MAPK4: variants seen among roughly 807,000 people sequenced by gnomAD.
MAPK4 encodes the protein Erk3-related.
A neutral mutation model predicts 47.7 loss-of-function variants in MAPK4; 22 were observed. The observed-to-expected ratio is 0.46, with a 90% confidence interval of 0.33 to 0.66. The LOEUF is 0.66. Ranked by LOEUF, MAPK4 falls within the 30% of genes least tolerant of loss-of-function variation. The pLI is 0.02. For synonymous variants in MAPK4, 390 were observed against 365.7 expected (o/e 1.07, Z -0.76); for missense variants, 736 against 831.7 (o/e 0.88, Z 1.42).
intron 1 of MAPK4, among the ~76,000 whole-genome samples, chr18:50,616,988 G>T (rs2042690417): frequency 6.6e-6 from 1 of 152,188 alleles, no homozygotes; most frequent in South Asian, 2.1e-4. Flanking sequence ...CACATGTCCT[G>T]GCATAAAGGA....
At chr18:50,608,116 G>A (rs970537143) in intron 1 of MAPK4, among the ~76,000 whole-genome samples, 10 of 151,960 alleles carry the variant, frequency 6.6e-5, no homozygotes, top group African/African-American at 1.2e-4. Context: ...TACCTTGCCC[G>A]TTGGAAACCA....
At chr18:50,662,873 C>T (rs1189339613) in intron 1 of MAPK4, among the ~76,000 whole-genome samples, 1 of 152,232 alleles carries the variant, frequency 6.6e-6, no homozygotes, top group Non-Finnish European at 1.5e-5. Context: ...ATCTGATGGT[C>T]TTATCAAATC....
chr18:50,589,278 T>C (rs1452363333), intron 1 of MAPK4, among the ~76,000 whole-genome samples: 6 of 152,076 alleles, frequency 3.9e-5, no homozygotes, highest in Non-Finnish European at 5.9e-5. Flanking sequence ...AGAAAAAACT[T>C]GGAGAAATGA....
At chr18:50,610,806 T>C (rs1379309841) in intron 1 of MAPK4, among the ~76,000 whole-genome samples, 1 of 152,184 alleles carries the variant, frequency 6.6e-6, no homozygotes, top group Non-Finnish European at 1.5e-5. Context: ...CAAAAAGATA[T>C]AACTGATCAA....
intron 1 of MAPK4, among the ~76,000 whole-genome samples, chr18:50,604,693 G>C (rs1216287679): frequency 1.3e-5 from 2 of 152,226 alleles, no homozygotes; most frequent in Admixed American, 1.3e-4. Context: ...GTTAGGTTTT[G>C]CTGAGTTTGG....
At chr18:50,687,912 A>T (rs1184065041) in intron 2 of MAPK4, among the ~76,000 whole-genome samples, 2 of 152,146 alleles carry the variant, frequency 1.3e-5, no homozygotes, top group Non-Finnish European at 2.9e-5. Context: ...TCCTAGGAAA[A>T]AAAAGAGAAA....
chr18:50,573,500 G>T (rs1387861433), intron 1 of MAPK4, among the ~76,000 whole-genome samples: 2 of 152,154 alleles, frequency 1.3e-5, no homozygotes, highest in Admixed American at 6.5e-5. Flanking sequence ...TAAGTTACAT[G>T]CTCCTTATGA....
chr18:50,585,231 G>T (rs986817137), intron 1 of MAPK4, among the ~76,000 whole-genome samples: 23 of 152,174 alleles, frequency 1.5e-4, no homozygotes, highest in Admixed American at 1.5e-3. Context: ...TAAAAAGCTA[G>T]CCCTGTGGTT....
In MAPK4 at chr18:50,584,538, G is replaced by C. The variant is rs115021527; in HGVS notation, c.-871+24295G>C. The stretch of plus-strand genomic sequence containing the variant: ...AGAGAGTATTTGAACTCTGCATGAT[G>C]TATGAATTGTGTATTGTTCCCTAGC... On this transcript the variant is annotated intron_variant, in intron 1 of 5. Coordinates refer to ENST00000400384, the MANE Select transcript of MAPK4 (RefSeq NM_002747.4). Among the ~76,000 whole-genome samples, 1,385 of 152,338 alleles carry C rather than the reference G, an allele frequency of 9.1e-3. 19 individuals carry two copies. Among genetic ancestry groups the C allele is most frequent in the African/African-American group, 0.031 (1,287 of 41,568 alleles).
intron 2 of MAPK4, among the ~76,000 whole-genome samples, chr18:50,713,290 C>G (rs955869121): frequency 1.3e-5 from 2 of 152,176 alleles, no homozygotes; most frequent in Non-Finnish European, 2.9e-5. Context: ...CAATTAAACT[C>G]TTATAAAAAT....
intron 1 of MAPK4, among the ~76,000 whole-genome samples, chr18:50,651,400 A>G (rs1248785246): frequency 1.3e-5 from 2 of 152,148 alleles, no homozygotes; most frequent in South Asian, 2.1e-4. Flanking sequence ...CATCAAGACT[A>G]AGAGGGTTGT....
At chr18:50,652,938 T>C (rs1385457790) in intron 1 of MAPK4, among the ~76,000 whole-genome samples, 1 of 152,062 alleles carries the variant, frequency 6.6e-6, no homozygotes, top group African/African-American at 2.4e-5. Context: ...TCCCAGTACC[T>C]TGGGAGGTTG....
rs1201364536 is a variant in MAPK4 at position 50,664,174 on chromosome 18, G to A, written c.216G>A (p.Leu72=). 1 of 1,614,144 alleles carries A rather than the reference G, an allele frequency of 6.2e-7. No homozygotes were observed. The highest frequency in any genetic ancestry group is 8.5e-7 in the Non-Finnish European group (1 of 1,180,036). Residue 72 remains leucine, a synonymous_variant, in exon 2 of 6, where the codon CTG becomes CTA. Transcript: ENST00000400384. The surrounding 1 kb of genome is among the most constrained non-coding windows in gnomAD (Gnocchi z 6.0). ...ALREIKIIRR[L]DHDNIVKVYE... The stretch of plus-strand genomic sequence containing the variant: ...GAGAGATCAAGATCATTCGGCGCCT[G>A]GACCACGACAACATCGTCAAAGTGT...
intron 3 of MAPK4, among the ~76,000 whole-genome samples, chr18:50,717,107 CT>C (rs1461423104): frequency 6.6e-6 from 1 of 152,188 alleles, no homozygotes; most frequent in Non-Finnish European, 1.5e-5. Flanking sequence ...ATGTGACTCA[CT>C]TATCTACTAT....
rs184498499 is a variant in MAPK4, at chr18:50,719,062, C to T, written c.692-2876C>T. On this transcript the variant is annotated intron_variant, in intron 3 of 5. Transcript: ENST00000400384. The stretch of plus-strand genomic sequence containing the variant: ...TCGTGCCACTGCACTCCAGCCTGGG[C>T]GACAGAGCAAGACTCCACCTCAAAA... 2.0e-3 allele frequency among the ~76,000 whole-genome samples: 254 copies of T among 129,066 alleles called. 1 individual carries two copies. Among genetic ancestry groups the T allele is most frequent in the Middle Eastern group, 0.016 (3 of 192 alleles). The allele number at this position is 129,066 out of a possible 152,430, so 84.7% of individuals were successfully genotyped here.
chr18:50,593,611 A>G (rs2042456942), intron 1 of MAPK4, among the ~76,000 whole-genome samples: 2 of 152,162 alleles, frequency 1.3e-5, no homozygotes, highest in African/African-American at 4.8e-5. Flanking sequence ...GGGAATTATT[A>G]CTGTTGTTGT....
intron 2 of MAPK4, among the ~76,000 whole-genome samples, chr18:50,707,370 G>A (rs1326648316): frequency 6.6e-6 from 1 of 152,088 alleles, no homozygotes; most frequent in Non-Finnish European, 1.5e-5. Flanking sequence ...AGGAGTTCAA[G>A]AGCAGCCTCG....
chr18:50,584,576 C>T (rs983681395), intron 1 of MAPK4, among the ~76,000 whole-genome samples: 3 of 152,202 alleles, frequency 2.0e-5, no homozygotes. Context: ...TAGACTGTGT[C>T]CCCAACTCTT....
Position 50,730,036 on chromosome 18 carries a change from C to A in MAPK4, c.*182C>A. ...ACTGCCTTAATAACTAGCCTTTAAC[C>A]TGTGGGAGCGGGTTTGAACAGGACC... On this transcript the variant is annotated 3_prime_UTR_variant, in exon 6 of 6. Transcript: ENST00000400384. The A allele has an allele frequency of 1.6e-6, 1 of 609,144 alleles. No homozygotes were observed. The highest frequency in any genetic ancestry group is 2.7e-6 in the Non-Finnish European group (1 of 376,160). 37.7% of individuals were successfully genotyped at this position (609,144 alleles called of 1,614,324 possible).
Sources: gnomAD v4.1 joint callset for allele counts (sites outside exome capture counted in the v4.1 genomes callset) on GRCh38, gnomAD v4.1.1 for gene constraint, Gnocchi (gnomAD v3.1) non-coding constraint, MANE v1.5 for transcripts, NCBI Gene and HGNC (gene_info 2026-07-23, HGNC 2026-07-21) for gene names.